The following CHM variants were observed in gnomAD, a reference collection of about 807,000 sequenced individuals.
CHM encodes the protein CHM Rab escort protein.
A neutral mutation model predicts 49.0 loss-of-function variants in CHM; 10 were observed. The observed-to-expected ratio is 0.20, with a 90% CI of 0.13 to 0.35. The LOEUF is 0.35. Among genes scored for constraint, CHM ranks in the 10% least tolerant of loss-of-function variants. The probability of loss-of-function intolerance (pLI) is 1.00; values close to 1 mark genes in which losing one functional copy is unlikely to be tolerated. For synonymous variants in CHM, 184 were observed against 167.5 expected (o/e 1.10, Z -0.76); for missense variants, 455 against 478.4 (o/e 0.95, Z 0.46).
At chrX:85,923,247 AT>A (rs1044457060) in intron 8 of CHM, among the ~76,000 whole-genome samples, 12 of 112,568 alleles carry the variant, frequency 1.1e-4, no homozygotes, top group Non-Finnish European at 2.1e-4. Context: ...CAAGGATTAA[AT>A]GGGTTAATAC....
chrX:85,912,312 C>T (rs1307936607), intron 8 of CHM, among the ~76,000 whole-genome samples: 1 of 111,163 alleles, frequency 9.0e-6, no homozygotes, highest in African/African-American at 3.3e-5. Context: ...TAACCAAGGC[C>T]ACATGAGATT....
chrX:86,019,458 C>A (rs1933445162), intron 2 of CHM: 1 of 111,947 alleles, frequency 8.9e-6, no homozygotes, highest in Non-Finnish European at 1.9e-5. Flanking sequence ...GATAAAAGTA[C>A]ATATTAAAGA....
chrX:85,968,673 C>T (rs190584702), intron 4 of CHM, among the ~76,000 whole-genome samples: 109 of 112,146 alleles, frequency 9.7e-4, no homozygotes, highest in African/African-American at 3.0e-3. Context: ...GTTAAGAAAA[C>T]CTCTTCCCCT....
intron 4 of CHM, among the ~76,000 whole-genome samples, chrX:85,965,909 C>G (rs1435923857): frequency 8.9e-6 from 1 of 111,846 alleles, no homozygotes; most frequent in East Asian, 2.8e-4. Context: ...TTAGGAAACA[C>G]TTGGCAAGTC....
intron 4 of CHM, among the ~76,000 whole-genome samples, chrX:85,965,667 A>G (rs1930543164): frequency 8.9e-6 from 1 of 112,091 alleles, no homozygotes; most frequent in Non-Finnish European, 1.9e-5. Flanking sequence ...AAGTGAAAAA[A>G]AGAAGTGCCT....
rs926453824 is a variant in CHM, at chrX:85,947,877, A to G, written c.1166+8276T>C. 3.6e-5 allele frequency among the ~76,000 whole-genome samples: 4 copies of G among 112,162 alleles called. No homozygotes were observed. In the East Asian group the frequency reaches 1.1e-3, roughly 31 times the overall value. Reference sequence around the variant, plus strand: ...TGGTGATAATTTACATGATTTATTTACATACATAAATTTATACCACAAGCT... The same window carrying G: ...TGGTGATAATTTACATGATTTATTTGCATACATAAATTTATACCACAAGCT... On this transcript the variant is annotated intron_variant, in intron 8 of 14. Transcript: ENST00000357749.
At chrX:85,898,334 C>T (rs1463327123) in intron 11 of CHM, among the ~76,000 whole-genome samples, 2 of 111,429 alleles carry the variant, frequency 1.8e-5, no homozygotes, top group Admixed American at 9.5e-5. Flanking sequence ...CTGGTTTCAA[C>T]GTGTCTCCCA....
At chrX:86,025,519 T>C (rs984504571) in intron 2 of CHM, among the ~76,000 whole-genome samples, 8 of 108,014 alleles carry the variant, frequency 7.4e-5, no homozygotes, top group Non-Finnish European at 1.5e-4. Context: ...CTAAAGAAAA[T>C]GTTCAAAGTT....
intron 12 of CHM, among the ~76,000 whole-genome samples, chrX:85,891,459 TCCAGCAGTGGCTGA>T (rs1192535639): frequency 1.8e-5 from 2 of 112,076 alleles, no homozygotes; most frequent in African/African-American, 6.5e-5. Context: ...TCCCAGCCAC[TCCAGCAGTGGCTGA>T]AAGGGCCCAA....
intron 13 of CHM, among the ~76,000 whole-genome samples, chrX:85,877,358 G>A (rs1415873977): frequency 1.3e-4 from 15 of 111,304 alleles, no homozygotes; most frequent in African/African-American, 4.9e-4. Flanking sequence ...CAAACTTAAT[G>A]TGTTCTCACT....
At chrX:86,000,811 TAG>T (rs1932681052) in intron 2 of CHM, among the ~76,000 whole-genome samples, 1 of 110,743 alleles carries the variant, frequency 9.0e-6, no homozygotes, top group South Asian at 3.9e-4. Flanking sequence ...GTCATGGTGG[TAG>T]AGAGTAGAAT....
At chrX:86,032,013 T>C (rs1934065007) in intron 1 of CHM, among the ~76,000 whole-genome samples, 1 of 112,583 alleles carries the variant, frequency 8.9e-6, no homozygotes, top group South Asian at 3.6e-4. Flanking sequence ...GACTGTTTTG[T>C]TTAAATTAAT....
chrX:85,887,753 G>A, intron 12 of CHM, among the ~76,000 whole-genome samples: 1 of 111,389 alleles, frequency 9.0e-6, no homozygotes, highest in Admixed American at 9.6e-5. Context: ...GAACTTGTTG[G>A]GAACTGGAGT....
At chrX:85,894,347 T>A in intron 11 of CHM, 63 bp from the exon 12 acceptor site, 1 of 828,717 alleles carries the variant, frequency 1.2e-6, no homozygotes, top group Non-Finnish European at 1.8e-6. Context: ...CTTCTAACAT[T>A]AAAATGCTGT....
At chrX:85,911,137 A>ATATATATATATATATATG (rs1926915099) in intron 9 of CHM, 124 bp downstream of exon 9, 2 of 3,901 alleles carry the variant, frequency 5.1e-4, no homozygotes, top group African/African-American at 1.5e-3. Context: ...ATGTATATAT[A>ATATATATATATATATATG]TATATATATA....
At chrX:85,908,447 A>C (rs902891266) in intron 9 of CHM, among the ~76,000 whole-genome samples, 1 of 111,843 alleles carries the variant, frequency 8.9e-6, no homozygotes, top group African/African-American at 3.2e-5. Context: ...TAAAGAGGAA[A>C]AATTTAATAT....
chrX:85,981,838 T>C (rs772682108), intron 2 of CHM, 29 bp from the exon 3 acceptor site: 24 of 745,488 alleles, frequency 3.2e-5, no homozygotes, highest in Non-Finnish European at 4.5e-5. Flanking sequence ...AAAAAAAAAG[T>C]AAAGAAAATG....
intron 2 of CHM, among the ~76,000 whole-genome samples, chrX:85,983,107 C>T (rs1385148339): frequency 1.8e-5 from 2 of 111,441 alleles, no homozygotes; most frequent in Non-Finnish European, 3.8e-5. Flanking sequence ...ATTTTAGGCT[C>T]AAGCATTTTA....
At chrX:86,010,379 A>T (rs1310975190) in intron 2 of CHM, among the ~76,000 whole-genome samples, 11 of 109,633 alleles carry the variant, frequency 1.0e-4, no homozygotes, top group African/African-American at 2.7e-4. Flanking sequence ...GAAAGAAAAA[A>T]ATTGGTGAAA....
Sources: gnomAD v4.1 joint callset for allele counts (sites outside exome capture counted in the v4.1 genomes callset) on GRCh38, gnomAD v4.1.1 for gene constraint, MANE v1.5 for transcripts, NCBI Gene and HGNC (gene_info 2026-07-23, HGNC 2026-07-21) for gene names.